Variants in TMEFF2 observed in about 807,000 individuals in gnomAD.
The protein encoded by TMEFF2 is transmembrane protein with EGF like and two follistatin like domains 2.
TMEFF2 carries 28 observed loss-of-function variants against 53.8 expected under a neutral mutation model. The ratio of observed to expected loss-of-function variants is 0.52; its 90% CI spans 0.39 to 0.71. The LOEUF is 0.71. TMEFF2 is among the 30% of genes least tolerant of loss of function. The pLI is 0.00. For synonymous variants in TMEFF2, 162 were observed against 166.3 expected (o/e 0.97, Z 0.20); for missense variants, 353 against 455.2 (o/e 0.78, Z 2.04).
intron 4 of TMEFF2, among the ~76,000 whole-genome samples, chr2:192,132,791 A>T (rs977148479): frequency 8.5e-5 from 13 of 152,138 alleles, no homozygotes; most frequent in African/African-American, 2.7e-4. Context: ...CTCGCTGAAA[A>T]TCGGAGTGTT....
intron 5 of TMEFF2, among the ~76,000 whole-genome samples, chr2:192,005,286 T>G (rs1390302413): frequency 6.6e-6 from 1 of 151,996 alleles, no homozygotes; most frequent in Non-Finnish European, 1.5e-5. Flanking sequence ...TTTCGGGGGG[T>G]TTGACATTAA....
rs187298209 is a variant in TMEFF2 at position 191,949,497 on chromosome 2, T to C, written c.*814A>G. ...TGGTGTTTCACATCTAGTGGTGTTA[T>C]TACATTTTTCCCCTGGTAATTCCAC... On this transcript the variant is annotated 3_prime_UTR_variant, in exon 10 of 10. Coordinates refer to ENST00000272771, the MANE Select transcript of TMEFF2 (RefSeq NM_016192.4). The C allele has an allele frequency of 1.4e-5, 14 of 985,450 alleles. No individual in the cohort carries two copies. In the Admixed American group the frequency reaches 6.8e-4, roughly 48 times the overall value. The allele number at this position is 985,450 out of a possible 1,614,324, so 61.0% of individuals were successfully genotyped here.
At chr2:192,081,335 A>G (rs59970910) in intron 4 of TMEFF2, among the ~76,000 whole-genome samples, 11,899 of 152,012 alleles carry the variant, frequency 0.078, 793 homozygotes, top group African/African-American at 0.18. Flanking sequence ...AATTTGTTTC[A>G]TACTTAAGTA....
At position 191,949,541 on chromosome 2, in the gene TMEFF2, T is replaced by G; in HGVS notation, c.*770A>C. 1.0e-6 allele frequency: 1 copy of G among 985,420 alleles called. No individual in the cohort carries two copies. Among genetic ancestry groups the G allele is most frequent in the South Asian group, 4.7e-5 (1 of 21,292 alleles). 61.0% of individuals were successfully genotyped at this position (985,420 alleles called of 1,614,324 possible). A position where few individuals can be genotyped will look rare whatever the true frequency, so the allele number is the denominator to read the frequency against. On this transcript the variant is annotated 3_prime_UTR_variant, in exon 10 of 10. Transcript: ENST00000272771. ...ATTCCACCCACCTAAATGGAATATATTTTGCCACTCTGTGTATACCTAGTA... is the reference window on the plus strand; with the variant it reads ...ATTCCACCCACCTAAATGGAATATAGTTTGCCACTCTGTGTATACCTAGTA...
intron 5 of TMEFF2, among the ~76,000 whole-genome samples, chr2:192,037,667 GAGAGAC>G: frequency 8.4e-6 from 1 of 119,570 alleles, no homozygotes; most frequent in African/African-American, 2.8e-5. Context: ...GAGAGAGAGA[GAGAGAC>G]CTCTGAGAAT....
chr2:192,045,591 A>G (rs780267544), intron 5 of TMEFF2, among the ~76,000 whole-genome samples: 5 of 152,220 alleles, frequency 3.3e-5, no homozygotes, highest in South Asian at 2.1e-4. Context: ...TCATTGCCCA[A>G]TGGGCTCATG....
At chr2:192,192,068 T>A in intron 1 of TMEFF2, 79 bp from the exon 2 acceptor site, 2 of 976,856 alleles carry the variant, frequency 2.0e-6, no homozygotes, top group Non-Finnish European at 1.6e-6. Flanking sequence ...TTTGAAGCTT[T>A]AAAATACTTG....
At chr2:192,134,285 A>T (rs752127619) in intron 4 of TMEFF2, among the ~76,000 whole-genome samples, 3 of 152,020 alleles carry the variant, frequency 2.0e-5, no homozygotes, top group Non-Finnish European at 4.4e-5. Flanking sequence ...ACATTATTCC[A>T]GATACCACAC....
rs972679936 is a variant in TMEFF2 at position 192,003,937 on chromosome 2, G to T, written c.537-4729C>A. On this transcript the variant is annotated intron_variant, in intron 5 of 9. Transcript: ENST00000272771. ...AATTTGTGTGTGTGTGTGGGGGGGG[G>T]GCTCACACTCACCTCCATGGTGCAT... Among the ~76,000 whole-genome samples the T allele has an allele frequency of 1.3e-3, 194 of 148,590 alleles. 2 individuals are homozygous for T. The highest frequency in any genetic ancestry group is 6.5e-4 in the Non-Finnish European group (43 of 66,406).
chr2:192,068,825 A>C (rs1164293589), intron 4 of TMEFF2, among the ~76,000 whole-genome samples: 1 of 151,878 alleles, frequency 6.6e-6, no homozygotes, highest in Non-Finnish European at 1.5e-5. Context: ...GTATAAATAG[A>C]CCAATGAAAT....
intron 7 of TMEFF2, among the ~76,000 whole-genome samples, chr2:191,960,339 G>T (rs144036069): frequency 1.3e-5 from 2 of 152,188 alleles, no homozygotes; most frequent in African/African-American, 4.8e-5. Context: ...AAAATAATTC[G>T]ACTTCTATGT....
chr2:192,185,487 CTA>C lies in TMEFF2; in HGVS notation c.283-1006_283-1005del, dbSNP rs1463081679. Among the ~76,000 whole-genome samples, 4 of 152,118 alleles carry C rather than the reference CTA, an allele frequency of 2.6e-5. No individual in the cohort carries two copies. In the South Asian group the frequency reaches 8.3e-4, roughly 32 times the overall value. On this transcript the variant is annotated intron_variant, in intron 2 of 9. Coordinates refer to ENST00000272771, the MANE Select transcript of TMEFF2 (RefSeq NM_016192.4). Reference sequence around the variant, plus strand: ...TACTTACAGATGCATGTTAAAAACTCTATGTTTTACTTTTGATTAATATATTT... The same window carrying C: ...TACTTACAGATGCATGTTAAAAACTCTGTTTTACTTTTGATTAATATATTT...
At chr2:192,020,110 TG>T (rs1196015322) in intron 5 of TMEFF2, among the ~76,000 whole-genome samples, 3 of 152,194 alleles carry the variant, frequency 2.0e-5, no homozygotes, top group South Asian at 2.1e-4. Context: ...AAAAAGAAAT[TG>T]TTCTGAATTG....
chr2:191,950,515 A>G (rs1691843018), intron 9 of TMEFF2, 108 bp from the exon 10 acceptor site: 1 of 1,449,440 alleles, frequency 6.9e-7, no homozygotes, highest in Non-Finnish European at 9.7e-7. Flanking sequence ...AAAATATTTC[A>G]GATGAAAGAA....
At chr2:192,170,502 C>T (rs1056685197) in intron 4 of TMEFF2, among the ~76,000 whole-genome samples, 1 of 151,852 alleles carries the variant, frequency 6.6e-6, no homozygotes, top group African/African-American at 2.4e-5. Flanking sequence ...GTGTTTGTGG[C>T]CTTCACCAAA....
chr2:192,039,988 C>T (rs919076529), intron 5 of TMEFF2, among the ~76,000 whole-genome samples: 1 of 151,988 alleles, frequency 6.6e-6, no homozygotes, highest in African/African-American at 2.4e-5. Context: ...TACAATTTTA[C>T]AAGTTTATCA....
rs191356128 is a variant in TMEFF2 at position 192,161,054 on chromosome 2, C to T, written c.439+18614G>A. 3.3e-5 allele frequency among the ~76,000 whole-genome samples: 5 copies of T among 152,224 alleles called. No individual in the cohort carries two copies. In the East Asian group the frequency reaches 7.8e-4, roughly 24 times the overall value. On this transcript the variant is annotated intron_variant, in intron 4 of 9. Coordinates refer to ENST00000272771, the MANE Select transcript of TMEFF2 (RefSeq NM_016192.4). ...GGAGCTCACCCTAAGGAAGTGGGGA[C>T]ACTTTACCGTCTCCCAGTCTCATCT...
intron 4 of TMEFF2, among the ~76,000 whole-genome samples, chr2:192,136,702 C>T (rs1005860288): frequency 5.3e-5 from 8 of 152,054 alleles, no homozygotes; most frequent in Admixed American, 5.2e-4. Flanking sequence ...TCTCTCTCTC[C>T]TTTCCCTCTC....
At position 192,002,838 on chromosome 2, in the gene TMEFF2, A is replaced by G. The variant is rs188058620; in HGVS notation, c.537-3630T>C. On this transcript the variant is annotated intron_variant, in intron 5 of 9. Coordinates refer to ENST00000272771, the MANE Select transcript of TMEFF2 (RefSeq NM_016192.4). ...GAGTGGGACTCTGTTTCAAAAACAA[A>G]ACAAAACAAAACACAAAAACGATGA... Among the ~76,000 whole-genome samples the G allele has an allele frequency of 2.6e-4, 40 of 152,264 alleles. 1 individual carries two copies. In the South Asian group the frequency reaches 3.7e-3, roughly 14 times the overall value.
Sources: allele counts gnomAD v4.1 joint callset (sites outside exome capture counted in the v4.1 genomes callset), GRCh38; gene constraint gnomAD v4.1.1; transcripts MANE v1.5; gene names NCBI Gene and HGNC (gene_info 2026-07-23, HGNC 2026-07-21).